The following OR51A7 variants were observed in gnomAD, a reference collection of about 807,000 sequenced individuals.
OR51A7 encodes the protein olfactory receptor family 51 subfamily A member 7.
For missense variants in OR51A7, 409 were observed against 374.5 expected, an observed-to-expected ratio of 1.09 and a Z score of -0.76; for synonymous variants, 143 against 135.5, an observed-to-expected ratio of 1.05 and a Z score of -0.38.
chr11:4,907,590 C>A lies in OR51A7; in HGVS notation c.221C>A (p.Ser74Tyr), dbSNP rs1316214886. The change falls in exon 2 of 2, where the codon TCC becomes TAC. Residue 74 changes from serine to tyrosine, a missense_variant. Transcript: ENST00000641490. ...AMLAVSDMGL[S>Y]LSSLPTMLRV... is the part of the protein sequence containing the mutation. Reference sequence around the variant, plus strand: ...TTGGCTGTCTCTGACATGGGCCTGTCCCTCTCCTCCCTTCCTACCATGTTG... The same window carrying A: ...TTGGCTGTCTCTGACATGGGCCTGTACCTCTCCTCCCTTCCTACCATGTTG... 4 of 1,613,764 alleles carry A rather than the reference C, an allele frequency of 2.5e-6. No individual in the cohort carries two copies. In the South Asian group the frequency reaches 3.3e-5, roughly 13 times the overall value.
At position 4,907,411 on chromosome 11, in the gene OR51A7, G is replaced by A; in HGVS notation, c.42G>A (p.Leu14=). The change falls in exon 2 of 2, where the codon CTG becomes CTA. Residue 14 remains leucine, a synonymous_variant. Transcript: ENST00000641490. ...LNNSEVKLFL[L]IGIPGLEHAH... Reference sequence around the variant, plus strand: ...ACTCCGAAGTCAAGCTTTTCCTTCTGATTGGGATCCCAGGACTGGAACATG... The same window carrying A: ...ACTCCGAAGTCAAGCTTTTCCTTCTAATTGGGATCCCAGGACTGGAACATG... The A allele has an allele frequency of 6.2e-7, 1 of 1,613,754 alleles. No individual in the cohort carries two copies. Among genetic ancestry groups the A allele is most frequent in the Non-Finnish European group, 8.5e-7 (1 of 1,179,946 alleles).
At chr11:4,906,987 T>C (rs1479150801) in intron 1 of OR51A7, among the ~76,000 whole-genome samples, 2 of 151,330 alleles carry the variant, frequency 1.3e-5, no homozygotes, top group Non-Finnish European at 2.9e-5. Flanking sequence ...TCCCAGCTAC[T>C]TGGGAGGCTG....
intron 1 of OR51A7, among the ~76,000 whole-genome samples, chr11:4,904,568 G>T (rs970848144): frequency 2.0e-5 from 3 of 151,946 alleles, no homozygotes; most frequent in African/African-American, 7.2e-5. Context: ...CATTTTTACT[G>T]TATGATTTCA....
chr11:4,905,948 AT>A (rs1435281512), intron 1 of OR51A7, among the ~76,000 whole-genome samples: 2 of 152,062 alleles, frequency 1.3e-5, no homozygotes, highest in Non-Finnish European at 2.9e-5. Flanking sequence ...GGTGGTTTGG[AT>A]TTTTTTCATT....
Position 4,908,061 on chromosome 11 carries a change from C to T in OR51A7, c.692C>T (p.Ala231Val), listed in dbSNP as rs1205928869. Residue 231 changes from alanine (A) to valine (V), a missense_variant, in exon 2 of 2, where the codon GCA (alanine) becomes GTA (valine). Ala to Val is a moderately conservative substitution (Grantham distance 64, BLOSUM62 0). Transcript: ENST00000641490. Reference protein sequence around the residue: ...LKTILSIASLAERLKALNTCV... With the variant: ...LKTILSIASLVERLKALNTCV... ...ACTATACTCAGCATTGCATCTTTGGCAGAGAGGCTTAAGGCCCTAAATACC... is the reference window on the plus strand; with the variant it reads ...ACTATACTCAGCATTGCATCTTTGGTAGAGAGGCTTAAGGCCCTAAATACC... 3 of 1,614,136 alleles carry T rather than the reference C, an allele frequency of 1.9e-6. No individual in the cohort carries two copies. The highest frequency in any genetic ancestry group is 1.1e-5 in the South Asian group (1 of 91,084).
Sources: allele counts gnomAD v4.1 joint callset (sites outside exome capture counted in the v4.1 genomes callset), GRCh38; gene constraint gnomAD v4.1.1; transcripts MANE v1.5; gene names NCBI Gene and HGNC (gene_info 2026-07-23, HGNC 2026-07-21).